The following TRPM3 variants were observed in gnomAD, a reference collection of about 807,000 sequenced individuals.
TRPM3 encodes the protein long transient receptor potential channel 3.
A neutral mutation model predicts 181.2 loss-of-function variants in TRPM3; 77 were observed. The observed-to-expected ratio is 0.42, with a 90% CI of 0.35 to 0.51. TRPM3 has a LOEUF of 0.51. Among genes scored for constraint, TRPM3 ranks in the 20% least tolerant of loss-of-function variants. The pLI is 0.01. For missense variants in TRPM3, 1,759 were observed against 2,196.7 expected (o/e 0.80, Z 3.98); for synonymous variants, 745 against 796.4 (o/e 0.94, Z 1.09).
chr9:71,402,717 A>C (rs2093364499), intron 1 of TRPM3, among the ~76,000 whole-genome samples: 1 of 152,182 alleles, frequency 6.6e-6, no homozygotes, highest in South Asian at 2.1e-4. Flanking sequence ...ATTTTAAAGC[A>C]AACATGAAGT....
chr9:71,126,394 C>T (rs2134428569), upstream of TRPM3, among the ~76,000 whole-genome samples: 1 of 152,150 alleles, frequency 6.6e-6, no homozygotes, highest in East Asian at 1.9e-4. Flanking sequence ...GGCAATTTAT[C>T]ATTTTTGTCA....
chr9:70,545,017 T>A (rs1197276594), intron 25 of TRPM3, among the ~76,000 whole-genome samples: 1 of 152,230 alleles, frequency 6.6e-6, no homozygotes, highest in Non-Finnish European at 1.5e-5. Flanking sequence ...TGCCCCTCAA[T>A]AACTTTTAAT....
intron 19 of TRPM3, among the ~76,000 whole-genome samples, chr9:70,606,204 A>ATCTG (rs936827222): frequency 2.0e-5 from 3 of 152,108 alleles, no homozygotes; most frequent in Non-Finnish European, 4.4e-5. Flanking sequence ...ATATCTATCT[A>ATCTG]TCTGTCTGTC....
At chr9:70,668,556 G>A (rs1325866062) in intron 9 of TRPM3, among the ~76,000 whole-genome samples, 1 of 151,422 alleles carries the variant, frequency 6.6e-6, no homozygotes, top group South Asian at 2.1e-4. Context: ...TCCCAGCTAC[G>A]CGGGAGGCTG....
intron 1 of TRPM3, among the ~76,000 whole-genome samples, chr9:71,053,656 CT>C (rs1383411508): frequency 6.6e-6 from 1 of 152,112 alleles, no homozygotes; most frequent in African/African-American, 2.4e-5. Context: ...TGTAAAATGT[CT>C]AAGGGTCTAA....
At chr9:71,165,523 G>A (rs1344695626) in intron 1 of TRPM3, among the ~76,000 whole-genome samples, 3 of 152,040 alleles carry the variant, frequency 2.0e-5, no homozygotes, top group Non-Finnish European at 2.9e-5. Flanking sequence ...GTCCAAAATG[G>A]TATAACAACG....
At chr9:71,304,055 C>T (rs762064333) in intron 1 of TRPM3, among the ~76,000 whole-genome samples, 24 of 152,190 alleles carry the variant, frequency 1.6e-4, no homozygotes, top group Middle Eastern at 3.4e-3. Context: ...AACTCACACA[C>T]GCTTATGAAC....
intron 9 of TRPM3, among the ~76,000 whole-genome samples, chr9:70,676,954 C>T (rs1043907604): frequency 8.0e-6 from 1 of 124,466 alleles, no homozygotes; most frequent in African/African-American, 3.0e-5. Flanking sequence ...TCCCACCCCC[C>T]ACCCACTTCT....
intron 1 of TRPM3, among the ~76,000 whole-genome samples, chr9:71,291,719 G>T (rs1173333578): frequency 6.6e-6 from 1 of 151,982 alleles, no homozygotes; most frequent in Non-Finnish European, 1.5e-5. Context: ...TTACAAATCT[G>T]CCCTCATAGT....
At chr9:71,167,126 GA>G (rs2076578347) in intron 1 of TRPM3, among the ~76,000 whole-genome samples, 1 of 152,102 alleles carries the variant, frequency 6.6e-6, no homozygotes, top group Non-Finnish European at 1.5e-5. Context: ...TCGAAAATGT[GA>G]ATCAAGTAAA....
intron 20 of TRPM3, among the ~76,000 whole-genome samples, chr9:70,601,024 C>A (rs573256652): frequency 6.6e-6 from 1 of 152,268 alleles, no homozygotes; most frequent in African/African-American, 2.4e-5. Flanking sequence ...TGTCTTAGAA[C>A]CCTGGGAGCC....
chr9:70,986,023 T>C (rs1351977702), intron 1 of TRPM3, among the ~76,000 whole-genome samples: 2 of 152,156 alleles, frequency 1.3e-5, no homozygotes, highest in Non-Finnish European at 2.9e-5. Context: ...TTTGTGGGTC[T>C]AACTTCTAGA....
At chr9:71,346,377 G>C (rs1315012493) in intron 1 of TRPM3, among the ~76,000 whole-genome samples, 1 of 152,150 alleles carries the variant, frequency 6.6e-6, no homozygotes, top group African/African-American at 2.4e-5. Context: ...ACTGTGTCCT[G>C]GGTTTTAGGA....
intron 8 of TRPM3, among the ~76,000 whole-genome samples, chr9:70,745,857 GA>G (rs1208132554): frequency 6.6e-6 from 1 of 152,124 alleles, no homozygotes; most frequent in Non-Finnish European, 1.5e-5. Flanking sequence ...AGATGAAATC[GA>G]AAGTCCTGAA....
At chr9:70,660,925 A>G (rs1183145356) in intron 9 of TRPM3, among the ~76,000 whole-genome samples, 1 of 152,046 alleles carries the variant, frequency 6.6e-6, no homozygotes, top group Admixed American at 6.6e-5. Context: ...TCTTCCCTAC[A>G]TCATTCGATG....
intron 6 of TRPM3, among the ~76,000 whole-genome samples, chr9:70,810,771 C>T (rs2091880849): frequency 6.6e-6 from 1 of 152,154 alleles, no homozygotes; most frequent in Non-Finnish European, 1.5e-5. Flanking sequence ...AGCTGTGCCA[C>T]TAATTGGATT....
intron 19 of TRPM3, among the ~76,000 whole-genome samples, chr9:70,605,248 G>A (rs1171092310): frequency 6.6e-6 from 1 of 152,016 alleles, no homozygotes; most frequent in Non-Finnish European, 1.5e-5. Context: ...GAGCCACTGC[G>A]CCTCGCCTAA....
chr9:71,325,891 A>G (rs1354215981), intron 1 of TRPM3, among the ~76,000 whole-genome samples: 1 of 152,286 alleles, frequency 6.6e-6, no homozygotes, highest in East Asian at 1.9e-4. Context: ...ATTGCTTATC[A>G]TAACTGGATT....
At chr9:70,814,178 T>C (rs1479415825) in intron 6 of TRPM3, among the ~76,000 whole-genome samples, 1 of 152,164 alleles carries the variant, frequency 6.6e-6, no homozygotes, top group Non-Finnish European at 1.5e-5. Context: ...AGCTTCCACA[T>C]GAGGTGTCTT....
Sources: gnomAD v4.1 joint callset for allele counts (sites outside exome capture counted in the v4.1 genomes callset) on GRCh38, gnomAD v4.1.1 for gene constraint, MANE v1.5 for transcripts, NCBI Gene and HGNC (gene_info 2026-07-23, HGNC 2026-07-21) for gene names.